The following FREM1 variants were observed in gnomAD, a reference collection of about 807,000 sequenced individuals.
FREM1 encodes FRAS1-related extracellular matrix protein 1.
In FREM1, 220 loss-of-function variants were observed where a neutral mutation model predicts 210.1. That is an observed-to-expected ratio of 1.05 (90% CI 0.94 to 1.17). The LOEUF (loss-of-function observed/expected upper bound fraction) is 1.17. Among genes scored for constraint, FREM1 ranks in the 50% most tolerant of loss-of-function variants. FREM1 has a pLI of 0.00. For missense variants in FREM1, 3,454 were observed against 2,675.5 expected (o/e 1.29, Z -6.42); for synonymous variants, 1,189 against 980.2 (o/e 1.21, Z -3.98).
intron 27 of FREM1, among the ~76,000 whole-genome samples, chr9:14,760,717 T>C (rs144528016): frequency 6.6e-6 from 1 of 152,274 alleles, no homozygotes; most frequent in African/African-American, 2.4e-5. Context: ...AATTCAAGCA[T>C]AAATCTAATG....
At chr9:14,907,077 G>A (rs981320276) in intron 1 of FREM1, among the ~76,000 whole-genome samples, 7 of 152,146 alleles carry the variant, frequency 4.6e-5, no homozygotes, top group African/African-American at 1.4e-4. Context: ...AACTATTTTT[G>A]GCTTCTGTAA....
At chr9:14,737,707 C>G (rs932391091) in intron 36 of FREM1, 112 bp from the exon 37 acceptor site, 4 of 841,318 alleles carry the variant, frequency 4.8e-6, no homozygotes, top group Non-Finnish European at 6.9e-6. Flanking sequence ...GGCCCAGGTT[C>G]TAAAACAAGG....
At chr9:14,805,246 G>C (rs1818157033) in intron 18 of FREM1, 94 bp from the exon 19 acceptor site, 2 of 651,926 alleles carry the variant, frequency 3.1e-6, no homozygotes, top group Non-Finnish European at 5.0e-6. Flanking sequence ...CAATTTCTCA[G>C]TAATACAAAT....
At chr9:14,806,312 A>G (rs1156972100) in intron 18 of FREM1, among the ~76,000 whole-genome samples, 4 of 148,648 alleles carry the variant, frequency 2.7e-5, no homozygotes, top group Admixed American at 6.8e-5. Context: ...TTGGAGTGCA[A>G]TGGCACAATC....
intron 22 of FREM1, among the ~76,000 whole-genome samples, chr9:14,792,085 C>T (rs766210084): frequency 5.3e-5 from 8 of 152,044 alleles, no homozygotes; most frequent in African/African-American, 1.4e-4. Flanking sequence ...CCTTGTGATC[C>T]GCCCACCTTG....
chr9:14,784,961 G>C (rs999224425), intron 23 of FREM1, among the ~76,000 whole-genome samples: 12 of 152,224 alleles, frequency 7.9e-5, no homozygotes, highest in South Asian at 4.1e-4. Flanking sequence ...AAGTGTTGAA[G>C]ACATAGCTCA....
chr9:14,885,564 A>C (rs12555055), intron 1 of FREM1, among the ~76,000 whole-genome samples: 11,486 of 152,108 alleles, frequency 0.076, 908 homozygotes, highest in African/African-American at 0.2. Context: ...GACTACAGGC[A>C]TGCACCACCA....
chr9:14,756,517 C>G (rs985918448), intron 28 of FREM1, 71 bp from the exon 29 acceptor site: 2 of 1,078,748 alleles, frequency 1.9e-6, no homozygotes, highest in African/African-American at 3.2e-5. Context: ...GCTATTCTCC[C>G]TCATACTGGA....
At position 14,842,508 on chromosome 9, in the gene FREM1, G is replaced by C; in HGVS notation, c.1546C>G (p.Pro516Ala). The stretch of plus-strand genomic sequence containing the variant: ...AGGAACGGGGGACTATCATCTTTGG[G>C]CAAGACGTTGATGGGGAATTTGTGA... The part of the protein sequence containing the change: ...IRHKFPINVL[P>A]KDDSPPFLIT... Residue 516 changes from proline to alanine, a missense_variant, in exon 9 of 37, where the codon CCC becomes GCC. Pro to Ala is a conservative substitution (Grantham distance 27). Coordinates refer to ENST00000380880, the MANE Select transcript of FREM1 (RefSeq NM_001379081.2). The C allele has an allele frequency of 6.2e-7, 1 of 1,613,994 alleles. No individual in the cohort carries two copies. Among genetic ancestry groups the C allele is most frequent in the Non-Finnish European group, 8.5e-7 (1 of 1,179,880 alleles).
intron 10 of FREM1, among the ~76,000 whole-genome samples, chr9:14,839,523 A>G (rs1323123945): frequency 6.6e-6 from 1 of 152,198 alleles, no homozygotes; most frequent in Non-Finnish European, 1.5e-5. Flanking sequence ...ATAAATTAAG[A>G]AGATGAAAGC....
At chr9:14,846,358 C>T (rs747502551) in intron 7 of FREM1, among the ~76,000 whole-genome samples, 27 of 151,966 alleles carry the variant, frequency 1.8e-4, no homozygotes, top group South Asian at 2.1e-4. Flanking sequence ...AGAGCCTGTT[C>T]GGGGGTAGAG....
chr9:14,859,255 G>A lies in FREM1; in HGVS notation c.559C>T (p.Gln187Ter). 1.2e-6 allele frequency: 2 copies of A among 1,613,636 alleles called. No homozygotes were observed. The highest frequency in any genetic ancestry group is 1.3e-5 in the African/African-American group (1 of 75,042). Residue 187 changes from glutamine (Q) to a stop codon, truncating the protein, a stop_gained, in exon 4 of 37, where the codon CAG (glutamine) becomes TAG (stop). Coordinates refer to ENST00000380880, the MANE Select transcript of FREM1 (RefSeq NM_001379081.2). LOFTEE classifies it high-confidence loss of function. ...GGTCGAGGCTCCCCGAGAACCATCTGGCCATGGGCTGGCAGCCGAGTTCTC... is the reference window on the plus strand; with the variant it reads ...GGTCGAGGCTCCCCGAGAACCATCTAGCCATGGGCTGGCAGCCGAGTTCTC... ...TARTRLPAHGQMVLGEPRPEE... is the reference protein window; with the variant it reads ...TARTRLPAHG
intron 20 of FREM1, among the ~76,000 whole-genome samples, chr9:14,799,947 CT>C (rs1853215280): frequency 8.3e-6 from 1 of 119,782 alleles, no homozygotes; most frequent in Non-Finnish European, 1.7e-5. Flanking sequence ...TCCCTCCCCC[CT>C]CCCCCCACCC....
intron 24 of FREM1, among the ~76,000 whole-genome samples, chr9:14,776,859 T>A (rs971631342): frequency 3.3e-5 from 5 of 152,164 alleles, no homozygotes; most frequent in African/African-American, 9.7e-5. Context: ...CTCTAAAATA[T>A]GACGGGAGGC....
intron 22 of FREM1, among the ~76,000 whole-genome samples, chr9:14,792,500 G>A (rs1188992711): frequency 6.6e-6 from 1 of 152,118 alleles, no homozygotes; most frequent in Non-Finnish European, 1.5e-5. Flanking sequence ...CCCTCCCTCA[G>A]AATTTAGGGA....
chr9:14,806,067 C>T (rs1818287664), intron 18 of FREM1, among the ~76,000 whole-genome samples: 1 of 152,132 alleles, frequency 6.6e-6, no homozygotes, highest in Non-Finnish European at 1.5e-5. Context: ...GCTATGAGGG[C>T]CTTTTAAACC....
intron 28 of FREM1, among the ~76,000 whole-genome samples, chr9:14,758,688 G>C (rs557754367): frequency 8.3e-5 from 7 of 83,900 alleles, no homozygotes; most frequent in African/African-American, 2.1e-4. Context: ...GGGATGGGGT[G>C]GGGGGGAGTC....
chr9:14,764,075 G>A (rs578210206), intron 27 of FREM1, among the ~76,000 whole-genome samples: 1 of 152,240 alleles, frequency 6.6e-6, no homozygotes, highest in South Asian at 2.1e-4. Context: ...CTGAATCATG[G>A]GGGTGGTTTC....
Position 14,859,209 on chromosome 9 carries a change from T to A in FREM1, c.605A>T (p.Gln202Leu), listed in dbSNP as rs886063772. 1 of 1,595,698 alleles carries A rather than the reference T, an allele frequency of 6.3e-7. No individual in the cohort carries two copies. The highest frequency in any genetic ancestry group is 2.2e-5 in the East Asian group (1 of 44,620). Residue 202 changes from glutamine to leucine, a missense_variant, in exon 4 of 37, where the codon CAG becomes CTG. Physicochemically the swap from Gln to Leu is moderately radical, Grantham distance 113. Coordinates refer to ENST00000380880, the MANE Select transcript of FREM1 (RefSeq NM_001379081.2). ...GGACTCTGGGAAAAAACTGTGTGGC[T>A]GATCTCCACGAGGTTCTTCTGGTCG... Reference protein sequence around the residue: ...EPRPEEPRGDQPHSFFPESQL... With the variant: ...EPRPEEPRGDLPHSFFPESQL...
Sources: allele counts gnomAD v4.1 joint callset (sites outside exome capture counted in the v4.1 genomes callset), GRCh38; gene constraint gnomAD v4.1.1; transcripts MANE v1.5; gene names NCBI Gene and HGNC (gene_info 2026-07-23, HGNC 2026-07-21).